Variants in NTRK2 observed in about 807,000 individuals in gnomAD.
NTRK2 encodes neurotrophic receptor tyrosine kinase 2.
In NTRK2, 13 loss-of-function variants were observed where a neutral mutation model predicts 94.5. The observed-to-expected ratio is 0.14, with a 90% CI of 0.09 to 0.22. The LOEUF (loss-of-function observed/expected upper bound fraction) is 0.22, where lower values mean the gene tolerates loss of function less well. NTRK2 is among the 10% of genes least tolerant of loss of function. NTRK2 has a pLI of 1.00. For synonymous variants in NTRK2, 372 were observed against 407.4 expected (o/e 0.91, Z 1.05); for missense variants, 639 against 1,071.2 (o/e 0.60, Z 5.63).
chr9:84,700,365 CA>C (rs2060647170), intron 2 of NTRK2, among the ~76,000 whole-genome samples: 2 of 152,134 alleles, frequency 1.3e-5, no homozygotes, highest in South Asian at 4.1e-4. Flanking sequence ...GCATTCCTTT[CA>C]AGTCTTAAAA....
chr9:84,761,079 G>A (rs367640415), intron 12 of NTRK2, among the ~76,000 whole-genome samples: 9 of 152,178 alleles, frequency 5.9e-5, no homozygotes, highest in East Asian at 3.8e-4. Context: ...TTATCAAAGC[G>A]TCAGCAAAAG....
At chr9:84,693,726 C>T (rs2060196461) in intron 2 of NTRK2, among the ~76,000 whole-genome samples, 1 of 152,154 alleles carries the variant, frequency 6.6e-6, no homozygotes, top group Non-Finnish European at 1.5e-5. Context: ...ACTGTCGTTA[C>T]TGCATTTTGC....
At position 84,922,876 on chromosome 9, in the gene NTRK2, C is replaced by A. The variant is rs115067766; in HGVS notation, c.1634-11286C>A. On this transcript the variant is annotated intron_variant, in intron 14 of 18. Coordinates refer to ENST00000277120, the MANE Select transcript of NTRK2 (RefSeq NM_006180.6). ...GGTTTGAAAGGTTTTGAAAGTATTG[C>A]AAAATCCTTTCAGGAAAACAGATAT... Among the ~76,000 whole-genome samples the A allele has an allele frequency of 5.4e-3, 818 of 152,246 alleles. 8 individuals carry two copies. Among genetic ancestry groups the A allele is most frequent in the African/African-American group, 0.018 (759 of 41,546 alleles).
Position 84,706,514 on chromosome 9 carries a change from A to ATTTTTTTTT in NTRK2, c.360-1324_360-1323insTTTTTTTTT, listed in dbSNP as rs1251771059. 1.8e-4 allele frequency among the ~76,000 whole-genome samples: 12 copies of ATTTTTTTTT among 68,544 alleles called. 2 individuals are homozygous for ATTTTTTTTT. Among genetic ancestry groups the ATTTTTTTTT allele is most frequent in the African/African-American group, 4.3e-4 (8 of 18,422 alleles). The allele number at this position is 68,544 out of a possible 152,430, so 45.0% of individuals were successfully genotyped here. On this transcript the variant is annotated intron_variant, in intron 4 of 18. Transcript: ENST00000277120. ...GTCACCCTCAGATCTCATGTGTGTT[A>ATTTTTTTTT]TTTTTTGTTTTTGTTTTTTTTTTTT...
intron 12 of NTRK2, among the ~76,000 whole-genome samples, chr9:84,765,076 G>A (rs765400824): frequency 3.9e-5 from 6 of 152,168 alleles, no homozygotes; most frequent in South Asian, 2.1e-4. Flanking sequence ...TGAGGGATGC[G>A]GAGGTTGTGA....
intron 9 of NTRK2, 37 bp from the exon 10 acceptor site, chr9:84,741,855 G>A (rs1482520676): frequency 5.6e-6 from 9 of 1,596,776 alleles, no homozygotes; most frequent in Admixed American, 3.3e-5. Context: ...ACTCCAAAAT[G>A]CATACTTACA....
chr9:84,856,482 A>G (rs1356473841), intron 12 of NTRK2, among the ~76,000 whole-genome samples: 1 of 152,154 alleles, frequency 6.6e-6, no homozygotes, highest in Non-Finnish European at 1.5e-5. Context: ...GAACTTTTGC[A>G]TTCATTTTTT....
chr9:84,971,793 T>C (rs1475538192), intron 17 of NTRK2, among the ~76,000 whole-genome samples: 1 of 152,084 alleles, frequency 6.6e-6, no homozygotes, highest in East Asian at 1.9e-4. Flanking sequence ...TTGGTGGGCA[T>C]AGATTCAGAG....
chr9:84,948,005 T>C (rs950569537), intron 15 of NTRK2, among the ~76,000 whole-genome samples: 8 of 152,226 alleles, frequency 5.3e-5, no homozygotes, highest in Non-Finnish European at 1.2e-4. Context: ...CAGTGCTACA[T>C]AAAGACAGGC....
chr9:84,789,901 G>C (rs2068548746), intron 12 of NTRK2, among the ~76,000 whole-genome samples: 2 of 152,126 alleles, frequency 1.3e-5, no homozygotes, highest in Admixed American at 6.5e-5. Flanking sequence ...CAATGTAGTG[G>C]ATGTAGGGGA....
intron 14 of NTRK2, among the ~76,000 whole-genome samples, chr9:84,880,872 A>AAAAAACC (rs1160595381): frequency 6.6e-6 from 1 of 152,220 alleles, no homozygotes; most frequent in Non-Finnish European, 1.5e-5. Flanking sequence ...GATAACTTTG[A>AAAAAACC]AAAAACCATA....
chr9:84,925,204 T>TG (rs1381531277), intron 14 of NTRK2, among the ~76,000 whole-genome samples: 28 of 151,086 alleles, frequency 1.9e-4, no homozygotes, highest in Admixed American at 1.6e-3. Context: ...TCTTCTTCTT[T>TG]TTTTTTTTTT....
chr9:84,990,171 G>T (rs548191172), intron 17 of NTRK2, among the ~76,000 whole-genome samples: 1 of 147,360 alleles, frequency 6.8e-6, no homozygotes, highest in Non-Finnish European at 1.5e-5. Flanking sequence ...TCAAAGGCCA[G>T]GCGGATATTC....
intron 6 of NTRK2, among the ~76,000 whole-genome samples, chr9:84,722,406 A>G (rs1338899237): frequency 3.9e-5 from 6 of 152,156 alleles, no homozygotes. Context: ...GATAAGAGAA[A>G]GGTTTATCCA....
intron 17 of NTRK2, among the ~76,000 whole-genome samples, chr9:84,963,524 A>G (rs1199134439): frequency 2.0e-5 from 3 of 151,870 alleles, no homozygotes; most frequent in African/African-American, 7.3e-5. Flanking sequence ...TGCTTTTAAG[A>G]TTTTCTCTTT....
At chr9:84,798,741 G>A (rs1034978219) in intron 12 of NTRK2, among the ~76,000 whole-genome samples, 3 of 152,018 alleles carry the variant, frequency 2.0e-5, no homozygotes, top group East Asian at 3.9e-4. Flanking sequence ...CGTTTGGTGC[G>A]TATGTTGACC....
intron 2 of NTRK2, among the ~76,000 whole-genome samples, chr9:84,696,515 A>T (rs776309500): frequency 7.9e-5 from 12 of 152,206 alleles, no homozygotes; most frequent in Non-Finnish European, 1.2e-4. Flanking sequence ...GTGGAGGATC[A>T]GTTTGGGTGC....
At chr9:84,752,174 A>G in intron 12 of NTRK2, 89 bp downstream of exon 12, 4 of 1,001,328 alleles carry the variant, frequency 4.0e-6, no homozygotes, top group Non-Finnish European at 6.3e-6. Flanking sequence ...GGAAGTGGCT[A>G]GATTTATGAT....
intron 12 of NTRK2, among the ~76,000 whole-genome samples, chr9:84,775,354 A>G (rs1588512716): frequency 6.6e-6 from 1 of 151,878 alleles, no homozygotes; most frequent in Non-Finnish European, 1.5e-5. Context: ...CAGCACATTT[A>G]TTTTTTTTCA....
Sources: gnomAD v4.1 joint callset for allele counts (sites outside exome capture counted in the v4.1 genomes callset) on GRCh38, gnomAD v4.1.1 for gene constraint, MANE v1.5 for transcripts, NCBI Gene and HGNC (gene_info 2026-07-23, HGNC 2026-07-21) for gene names.